FHL2: variants seen among roughly 807,000 people sequenced by gnomAD.
FHL2 encodes four and a half LIM domains protein 2.
In FHL2, 20 loss-of-function variants were observed where a neutral mutation model predicts 32.7. The observed-to-expected ratio is 0.61, with a 90% CI of 0.43 to 0.89. The LOEUF (loss-of-function observed/expected upper bound fraction) is 0.89, where lower values mean the gene tolerates loss of function less well. FHL2 is among the 40% of genes least tolerant of loss of function. FHL2 has a pLI of 0.00. For synonymous variants in FHL2, 123 were observed against 128.1 expected (o/e 0.96, Z 0.27); for missense variants, 311 against 358.6 (o/e 0.87, Z 1.07).
At chr2:105,399,574 G>A (rs1239987299), upstream of FHL2, 3 of 1,535,704 alleles carry the variant, frequency 2.0e-6, no homozygotes, top group Middle Eastern at 1.7e-4. Context: ...CTACGGAGGG[G>A]ACTAAAGGAA....
intron 1 of FHL2, among the ~76,000 whole-genome samples, chr2:105,434,119 C>T (rs7599750): frequency 0.86 from 130,286 of 152,270 alleles, 56,186 homozygotes; most frequent in Non-Finnish European, 0.91. Flanking sequence ...CCTTTCTCTG[C>T]AAACTTTATC....
chr2:105,370,293 T>C (rs1048988810), intron 4 of FHL2, among the ~76,000 whole-genome samples: 1 of 151,970 alleles, frequency 6.6e-6, no homozygotes, highest in Non-Finnish European at 1.5e-5. Flanking sequence ...GAGGATCATT[T>C]GAGCCCGAGA....
At chr2:105,411,129 G>T (rs59683937) in intron 1 of FHL2, among the ~76,000 whole-genome samples, 15,891 of 152,222 alleles carry the variant, frequency 0.1, 1,432 homozygotes, top group East Asian at 0.48. Flanking sequence ...ACAGGTGTGT[G>T]CATAACCACC....
At chr2:105,414,693 C>T (rs1346591449) in intron 1 of FHL2, among the ~76,000 whole-genome samples, 3 of 152,176 alleles carry the variant, frequency 2.0e-5, no homozygotes, top group Non-Finnish European at 2.9e-5. Flanking sequence ...GCTGGGGTTA[C>T]AGGCACACGC....
intron 2 of FHL2, among the ~76,000 whole-genome samples, chr2:105,386,756 CTT>C (rs11380471): frequency 4.1e-5 from 2 of 48,960 alleles, no homozygotes; most frequent in Admixed American, 2.7e-4. Flanking sequence ...ATGCATTCCA[CTT>C]TTTTTTTTTT....
intron 1 of FHL2, among the ~76,000 whole-genome samples, chr2:105,417,578 G>A (rs1276820102): frequency 6.6e-6 from 1 of 150,974 alleles, no homozygotes; most frequent in Non-Finnish European, 1.5e-5. Context: ...CAGCTACTCA[G>A]GAGGCTGAGG....
rs74575749 is a variant in FHL2 at position 105,386,408 on chromosome 2, C to T, written c.109G>A (p.Ala37Thr). 27 of 1,614,042 alleles carry T rather than the reference C, an allele frequency of 1.7e-5. No homozygotes were observed. The East Asian group carries it at 2.0e-4, about 12-fold the overall frequency. Residue 37 changes from alanine (A) to threonine (T), a missense_variant, in exon 3 of 7, where the codon GCC becomes ACC. Coordinates refer to ENST00000530340, the MANE Select transcript of FHL2 (RefSeq NM_001318895.3). ...YCVVCFETLF[A>T]NTCEECGKPI... ...TTCCCACACTCCTCGCAGGTGTTGGCGAACAGGGTCTCAAAGCACACCACG... is the reference window on the plus strand; with the variant it reads ...TTCCCACACTCCTCGCAGGTGTTGGTGAACAGGGTCTCAAAGCACACCACG...
At chr2:105,367,376 G>A (rs1312588384) in intron 5 of FHL2, among the ~76,000 whole-genome samples, 194 bp downstream of exon 5, 1 of 152,182 alleles carries the variant, frequency 6.6e-6, no homozygotes, top group Non-Finnish European at 1.5e-5. Context: ...GCTCAACAAT[G>A]TTGATGTCTT....
chr2:105,413,548 A>T (rs2104658775), intron 1 of FHL2, among the ~76,000 whole-genome samples: 1 of 152,236 alleles, frequency 6.6e-6, no homozygotes, highest in East Asian at 1.9e-4. Flanking sequence ...TTCACAGCTC[A>T]CTATAACCTC....
chr2:105,358,114 C>T (rs1035893454), downstream of FHL2: 1 of 152,206 alleles, frequency 6.6e-6, no homozygotes, highest in Non-Finnish European at 1.5e-5. Flanking sequence ...TGTCATTTTG[C>T]TTTTTGCTAC....
intron 3 of FHL2, chr2:105,378,989 T>A (rs976203308): frequency 6.6e-6 from 1 of 152,158 alleles, no homozygotes; most frequent in African/African-American, 2.4e-5. Flanking sequence ...GGTCCCACAG[T>A]CCACATCTCT....
At chr2:105,399,466 G>A, upstream of FHL2, 1 of 1,536,214 alleles carries the variant, frequency 6.5e-7, no homozygotes, top group South Asian at 1.2e-5. Flanking sequence ...GCATGTGCCT[G>A]GGATATATTT....
In FHL2 at chr2:105,365,297, T is replaced by G. The variant is rs140674948; in HGVS notation, c.502-1826A>C. Among the ~76,000 whole-genome samples the G allele has an allele frequency of 8.4e-4, 128 of 152,240 alleles. 1 individual carries two copies. Among genetic ancestry groups the G allele is most frequent in the Non-Finnish European group, 1.5e-3 (103 of 68,026 alleles). On this transcript the variant is annotated intron_variant, in intron 5 of 6. Coordinates refer to ENST00000530340, the MANE Select transcript of FHL2 (RefSeq NM_001318895.3). Reference sequence around the variant, plus strand: ...TCCACCTAGACTACAGTTAAGTGTCTGCATCTTGTCCAGCATCAGATCCCC... The same window carrying G: ...TCCACCTAGACTACAGTTAAGTGTCGGCATCTTGTCCAGCATCAGATCCCC...
chr2:105,425,474 C>T (rs948086729), intron 1 of FHL2, among the ~76,000 whole-genome samples: 5 of 151,874 alleles, frequency 3.3e-5, no homozygotes, highest in South Asian at 2.1e-4. Flanking sequence ...GCCCAACACC[C>T]GTAAAGGGTC....
At chr2:105,432,948 C>T (rs1482526545) in intron 1 of FHL2, among the ~76,000 whole-genome samples, 1 of 152,144 alleles carries the variant, frequency 6.6e-6, no homozygotes, top group East Asian at 1.9e-4. Context: ...ACTTCTAGCT[C>T]CTTCCTTTGG....
In FHL2 at chr2:105,363,049, T is replaced by C. The variant is rs2278501; in HGVS notation, c.688+236A>G. The C allele has an allele frequency of 0.48, 234,747 of 491,516 alleles. 59,260 individuals carry two copies. The highest frequency in any genetic ancestry group is 0.53 in the Non-Finnish European group (144,886 of 271,148). 30.4% of individuals were successfully genotyped at this position (491,516 alleles called of 1,614,324 possible). ...ATCCAACCCAAAGCAGAAACTAAAC[T>C]GGAGCACTGGCCATATGGTTGTGAT... On this transcript the variant is annotated intron_variant, in intron 6 of 6. Transcript: ENST00000530340.
chr2:105,422,030 G>A (rs1321403791), intron 1 of FHL2, among the ~76,000 whole-genome samples: 1 of 152,192 alleles, frequency 6.6e-6, no homozygotes, highest in Non-Finnish European at 1.5e-5. Context: ...TAGCTCAGAG[G>A]AGTTGCCCTA....
At chr2:105,367,842 G>C in intron 4 of FHL2, 103 bp from the exon 5 acceptor site, 1 of 1,196,128 alleles carries the variant, frequency 8.4e-7, no homozygotes, top group Non-Finnish European at 1.2e-6. Context: ...TTTATGACCA[G>C]AGCAAGCCAC....
intron 1 of FHL2, among the ~76,000 whole-genome samples, chr2:105,421,462 A>G (rs1480727001): frequency 6.6e-6 from 1 of 152,206 alleles, no homozygotes; most frequent in African/African-American, 2.4e-5. Flanking sequence ...AAAGACAAAC[A>G]CTATTCTCTT....
Sources: gnomAD v4.1 joint callset for allele counts (sites outside exome capture counted in the v4.1 genomes callset) on GRCh38, gnomAD v4.1.1 for gene constraint, MANE v1.5 for transcripts, NCBI Gene and HGNC (gene_info 2026-07-23, HGNC 2026-07-21) for gene names.